PRKCA: variants seen among roughly 807,000 people sequenced by gnomAD.
PRKCA encodes the protein protein kinase C alpha type.
A neutral mutation model predicts 87.0 loss-of-function variants in PRKCA; 27 were observed. That is an observed-to-expected ratio of 0.31 (90% confidence interval 0.23 to 0.43). The LOEUF is 0.43. PRKCA is among the 20% of genes least tolerant of loss of function. The pLI is 1.00. For missense variants in PRKCA, 518 were observed against 852.3 expected, an observed-to-expected ratio of 0.61 and a Z score of 4.88; for synonymous variants, 329 against 311.1, an observed-to-expected ratio of 1.06 and a Z score of -0.61.
At chr17:66,472,958 G>A (rs1003608776) in intron 2 of PRKCA, among the ~76,000 whole-genome samples, 18 of 152,212 alleles carry the variant, frequency 1.2e-4, no homozygotes, top group African/African-American at 3.4e-4. Context: ...ATGGCTTGTT[G>A]TCCAGAGCAT....
intron 3 of PRKCA, among the ~76,000 whole-genome samples, chr17:66,596,722 C>T (rs1426534830): frequency 1.1e-5 from 1 of 87,458 alleles, no homozygotes; most frequent in Non-Finnish European, 2.2e-5. Context: ...CAATGCTATC[C>T]CTCCCCCCTC....
At chr17:66,492,248 A>G (rs1429340454) in intron 2 of PRKCA, among the ~76,000 whole-genome samples, 1 of 152,060 alleles carries the variant, frequency 6.6e-6, no homozygotes, top group African/African-American at 2.4e-5. Context: ...GTTGGGAGGA[A>G]ATTATTTTGG....
intron 13 of PRKCA, among the ~76,000 whole-genome samples, chr17:66,771,973 A>G (rs561426116): frequency 6.6e-6 from 1 of 152,298 alleles, no homozygotes; most frequent in South Asian, 2.1e-4. Context: ...ATTTTTTTTA[A>G]AAGCACAAAA....
Position 66,565,692 on chromosome 17 carries a change from A to G in PRKCA, c.288+69409A>G, listed in dbSNP as rs145192858. On this transcript the variant is annotated intron_variant, in intron 3 of 16. Transcript: ENST00000413366. ...GTCTGGAGAAGGCTGATGCTGAGAG[A>G]TATGTACTAATGAAATGCACAGGTG... is the stretch of plus-strand genomic sequence containing the variant. Among the ~76,000 whole-genome samples, 26 of 151,174 alleles carry G rather than the reference A, an allele frequency of 1.7e-4. No individual in the cohort carries two copies. In the East Asian group the frequency reaches 4.9e-3, roughly 29 times the overall value.
intron 16 of PRKCA, among the ~76,000 whole-genome samples, chr17:66,801,904 A>G (rs964266298): frequency 1.3e-5 from 2 of 152,222 alleles, no homozygotes; most frequent in African/African-American, 2.4e-5. Flanking sequence ...GGTGAAGAGT[A>G]GATGGTTGCT....
chr17:66,305,234 A>C (rs1049540262), intron 1 of PRKCA, among the ~76,000 whole-genome samples: 1 of 152,192 alleles, frequency 6.6e-6, no homozygotes, highest in African/African-American at 2.4e-5. Flanking sequence ...TAAATCACTG[A>C]TATTTTTAAG....
chr17:66,331,588 C>G (rs778790999), intron 2 of PRKCA, among the ~76,000 whole-genome samples: 1 of 152,082 alleles, frequency 6.6e-6, no homozygotes, highest in Non-Finnish European at 1.5e-5. Context: ...AACCTAAGGC[C>G]GGATCTTTCA....
chr17:66,686,613 A>G (rs889501518), intron 5 of PRKCA, among the ~76,000 whole-genome samples: 1 of 152,120 alleles, frequency 6.6e-6, no homozygotes, highest in African/African-American at 2.4e-5. Flanking sequence ...ATTCCAATGT[A>G]CAGTCAGAGT....
chr17:66,532,896 A>T (rs1468526793), intron 3 of PRKCA, among the ~76,000 whole-genome samples: 1 of 152,214 alleles, frequency 6.6e-6, no homozygotes, highest in African/African-American at 2.4e-5. Context: ...CGGTGGAATT[A>T]GTTTGCACAC....
At chr17:66,534,747 A>G (rs1216170536) in intron 3 of PRKCA, among the ~76,000 whole-genome samples, 1 of 152,176 alleles carries the variant, frequency 6.6e-6, no homozygotes, top group Non-Finnish European at 1.5e-5. Flanking sequence ...AACTTGTAAC[A>G]TGAGGGAAAT....
chr17:66,796,094 T>C (rs1568039236), intron 16 of PRKCA, among the ~76,000 whole-genome samples: 3 of 152,120 alleles, frequency 2.0e-5, no homozygotes, highest in African/African-American at 7.2e-5. Flanking sequence ...GGGGTCCCAA[T>C]CCCTTAGAAA....
intron 16 of PRKCA, among the ~76,000 whole-genome samples, chr17:66,789,945 C>T (rs1262738082): frequency 6.6e-6 from 1 of 152,258 alleles, no homozygotes; most frequent in Admixed American, 6.5e-5. Flanking sequence ...TTTCTAAGGG[C>T]CGGGCGGACT....
At chr17:66,520,251 G>T (rs1470508409) in intron 3 of PRKCA, among the ~76,000 whole-genome samples, 4 of 151,626 alleles carry the variant, frequency 2.6e-5, no homozygotes, top group African/African-American at 9.7e-5. Flanking sequence ...CTTCCAAGTA[G>T]CTGGGATTAC....
At chr17:66,566,016 T>A (rs1968879584) in intron 3 of PRKCA, among the ~76,000 whole-genome samples, 2 of 152,166 alleles carry the variant, frequency 1.3e-5, no homozygotes, top group Non-Finnish European at 2.9e-5. Context: ...GCCAGCTGTT[T>A]GTGAGCCCTG....
At chr17:66,306,669 C>A (rs1325948475) in intron 2 of PRKCA, among the ~76,000 whole-genome samples, 4 of 152,132 alleles carry the variant, frequency 2.6e-5, no homozygotes, top group Non-Finnish European at 5.9e-5. Context: ...GCTTTCCTTT[C>A]AGCTTACATA....
chr17:66,349,892 T>G (rs1396229729), intron 2 of PRKCA, among the ~76,000 whole-genome samples: 1 of 152,084 alleles, frequency 6.6e-6, no homozygotes, highest in Non-Finnish European at 1.5e-5. Context: ...CTGCTGGAAT[T>G]GGAAACTTAG....
chr17:66,420,440 G>A (rs1912423942), intron 2 of PRKCA, among the ~76,000 whole-genome samples: 1 of 152,166 alleles, frequency 6.6e-6, no homozygotes, highest in Non-Finnish European at 1.5e-5. Context: ...CGGTGTAAAA[G>A]TGATAGAAAT....
intron 2 of PRKCA, among the ~76,000 whole-genome samples, chr17:66,312,841 A>G (rs1023398677): frequency 6.6e-6 from 1 of 150,684 alleles, no homozygotes; most frequent in Admixed American, 6.6e-5. Context: ...TGGGCTCAAG[A>G]AATTCTCATG....
chr17:66,388,066 C>T (rs752255063), intron 2 of PRKCA, among the ~76,000 whole-genome samples: 1 of 152,026 alleles, frequency 6.6e-6, no homozygotes, highest in Non-Finnish European at 1.5e-5. Context: ...GAGCGGAAAA[C>T]CTATGTCTGG....
Sources: allele counts gnomAD v4.1 joint callset (sites outside exome capture counted in the v4.1 genomes callset), GRCh38; gene constraint gnomAD v4.1.1; transcripts MANE v1.5; gene names NCBI Gene and HGNC (gene_info 2026-07-23, HGNC 2026-07-21).